OTOA: variants seen among roughly 807,000 people sequenced by gnomAD.
OTOA encodes otoancorin, also known as cancer/testis antigen 108.
In OTOA, 70 loss-of-function variants were observed where a neutral mutation model predicts 110.8. That is an observed-to-expected ratio of 0.63 (90% confidence interval 0.52 to 0.77). OTOA has a LOEUF of 0.77. OTOA is among the 30% of genes least tolerant of loss of function. OTOA has a pLI of 0.00. For synonymous variants in OTOA, 373 were observed against 431.5 expected (o/e 0.86, Z 1.68); for missense variants, 917 against 1,075.8 (o/e 0.85, Z 2.06).
At chr16:21,706,812 G>A (rs1028509846) in intron 12 of OTOA, among the ~76,000 whole-genome samples, 3 of 148,262 alleles carry the variant, frequency 2.0e-5, no homozygotes, top group Non-Finnish European at 4.5e-5. Context: ...CATCTATTTT[G>A]GTCAGCGCAT....
rs116395625 is a variant in OTOA at position 21,691,549 on chromosome 16, T to G, written c.636-35T>G. 2.7e-3 allele frequency: 4,151 copies of G among 1,559,446 alleles called. 116 individuals are homozygous for G. In the African/African-American group the frequency reaches 0.05, roughly 19 times the overall value. On this transcript the variant is annotated intron_variant, in intron 8 of 28. Transcript: ENST00000646100. ...CTTTTTAATGCAGCCCCCACCTGCT[T>G]GTTATTAGCTGATGCCTGTGTTTGT...
chr16:21,678,464 ATATATT>A (rs770934852), intron 1 of OTOA, 41 bp from the exon 2 acceptor site: 1 of 1,070,768 alleles, frequency 9.3e-7, no homozygotes, highest in Non-Finnish European at 1.4e-6. Flanking sequence ...GTATATATAT[ATATATT>A]AAAAAAACAT....
chr16:21,721,816 T>C (rs8182219), intron 17 of OTOA, among the ~76,000 whole-genome samples: 61,388 of 151,852 alleles, frequency 0.4, 12,834 homozygotes, highest in Admixed American at 0.44. Context: ...CACTTGAACC[T>C]GGGAGTTCAA....
intron 18 of OTOA, among the ~76,000 whole-genome samples, chr16:21,724,308 G>A (rs1002024925): frequency 5.9e-5 from 9 of 152,138 alleles, no homozygotes; most frequent in African/African-American, 2.2e-4. Context: ...AGACAGGGGA[G>A]ACCGAACTAA....
At chr16:21,727,798 T>C (rs1407714413) in intron 19 of OTOA, among the ~76,000 whole-genome samples, 6 of 151,916 alleles carry the variant, frequency 3.9e-5, no homozygotes, top group Non-Finnish European at 8.8e-5. Flanking sequence ...GTTCCATCTC[T>C]AGGAATCCAT....
At position 21,719,129 on chromosome 16, in the gene OTOA, G is replaced by A. The variant is rs142615666; in HGVS notation, c.1630-4G>A. 17 of 1,613,470 alleles carry A rather than the reference G, an allele frequency of 1.1e-5. No individual in the cohort carries two copies. Among genetic ancestry groups the A allele is most frequent in the African/African-American group, 4.0e-5 (3 of 74,994 alleles). On this transcript the variant is annotated splice_region_variant and splice_polypyrimidine_tract_variant and intron_variant, in intron 15 of 28. Coordinates refer to ENST00000646100, the MANE Select transcript of OTOA (RefSeq NM_144672.4). ...CAGTGCTAACGATCATTCTCTTCTC[G>A]CAGGCTCTGTTCCTGTATGAGCTTC...
chr16:21,679,183 G>C lies in OTOA; in HGVS notation c.152-1G>C. 2.5e-6 allele frequency: 4 copies of C among 1,613,768 alleles called. No individual in the cohort carries two copies. In the South Asian group the frequency reaches 4.4e-5, roughly 18 times the overall value. On this transcript the variant is annotated splice_acceptor_variant, in intron 4 of 28. Transcript: ENST00000646100. LOFTEE classifies it high-confidence loss of function. ...GTCTTTTCATTTTACTCCCATTGTA[G>C]CACTGCTGGATCTCATACAGTTTCA...
intron 8 of OTOA, among the ~76,000 whole-genome samples, chr16:21,690,246 G>A (rs533538988): frequency 6.6e-6 from 1 of 152,138 alleles, no homozygotes; most frequent in East Asian, 1.9e-4. Context: ...TGTTACATAG[G>A]TAAACGTGTA....
At chr16:21,683,255 C>T (rs760223800) in intron 6 of OTOA, among the ~76,000 whole-genome samples, 4 of 152,168 alleles carry the variant, frequency 2.6e-5, no homozygotes, top group Non-Finnish European at 5.9e-5. Context: ...CACTATTGAG[C>T]ACTTACTGTG....
At chr16:21,725,106 A>G (rs1898872993) in intron 18 of OTOA, among the ~76,000 whole-genome samples, 1 of 151,838 alleles carries the variant, frequency 6.6e-6, no homozygotes, top group Non-Finnish European at 1.5e-5. Context: ...TGTTTTGTTC[A>G]CTGGTTTCTG....
chr16:21,736,188 T>G (rs967580405), intron 21 of OTOA, 73 bp from the exon 22 acceptor site: 1 of 1,421,300 alleles, frequency 7.0e-7, no homozygotes, highest in African/African-American at 1.4e-5. Context: ...GTGTGACAGT[T>G]TCAACTCTAA....
chr16:21,680,209 A>C (rs575650557), intron 5 of OTOA, among the ~76,000 whole-genome samples: 9 of 151,826 alleles, frequency 5.9e-5, no homozygotes, highest in Admixed American at 3.3e-4. Flanking sequence ...CCATCCATCC[A>C]TCCATCTCTT....
chr16:21,726,376 C>T (rs1233891663), intron 18 of OTOA, 147 bp from the exon 19 acceptor site: 4 of 1,112,534 alleles, frequency 3.6e-6, no homozygotes, highest in Admixed American at 4.0e-5. Flanking sequence ...AGCTTGCTAC[C>T]TGCTGCAGGG....
intron 13 of OTOA, among the ~76,000 whole-genome samples, chr16:21,714,247 T>C (rs1567383992): frequency 2.2e-5 from 2 of 91,090 alleles, no homozygotes; most frequent in Non-Finnish European, 4.4e-5. Flanking sequence ...TTCCTTTCTT[T>C]CTTTTTTCTT....
rs372468553 is a variant in OTOA at position 21,696,639 on chromosome 16, G to A, written c.740-1136G>A. On this transcript the variant is annotated intron_variant, in intron 9 of 28. Transcript: ENST00000646100. ...GGCTGGAATGCAGTGATGTGATCCCGGCTCACTGCCACCTCCACCTCCCGG... is the reference window on the plus strand; with the variant it reads ...GGCTGGAATGCAGTGATGTGATCCCAGCTCACTGCCACCTCCACCTCCCGG... 1.1e-3 allele frequency among the ~76,000 whole-genome samples: 167 copies of A among 151,740 alleles called. 3 individuals are homozygous for A. The South Asian group carries it at 0.032, about 29-fold the overall frequency.
At chr16:21,677,111 T>C (rs1253870377) in intron 1 of OTOA, among the ~76,000 whole-genome samples, 1 of 152,210 alleles carries the variant, frequency 6.6e-6, no homozygotes, top group Non-Finnish European at 1.5e-5. Context: ...TTTCACCTGT[T>C]ATTGGATATG....
At chr16:21,678,471 A>AT in intron 1 of OTOA, 40 bp from the exon 2 acceptor site, 3 of 1,299,580 alleles carry the variant, frequency 2.3e-6, no homozygotes, top group Admixed American at 1.8e-5. Flanking sequence ...TATATATATT[A>AT]AAAAAACATG....
At chr16:21,680,573 G>T (rs1966880873) in intron 5 of OTOA, among the ~76,000 whole-genome samples, 1 of 151,718 alleles carries the variant, frequency 6.6e-6, no homozygotes, top group South Asian at 2.1e-4. Context: ...CTTTTCATAG[G>T]CTGGGCATGG....
intron 28 of OTOA, among the ~76,000 whole-genome samples, chr16:21,758,784 TGAGGTCAG>T (rs1900074531): frequency 6.6e-6 from 1 of 151,536 alleles, no homozygotes; most frequent in Admixed American, 6.6e-5. Flanking sequence ...GCGGATCACC[TGAGGTCAG>T]GAGTTTTGAG....
Sources: allele counts gnomAD v4.1 joint callset (sites outside exome capture counted in the v4.1 genomes callset), GRCh38; gene constraint gnomAD v4.1.1; transcripts MANE v1.5; gene names NCBI Gene and HGNC (gene_info 2026-07-23, HGNC 2026-07-21).